The following GALC variants were observed in gnomAD, a reference collection of about 807,000 sequenced individuals.
GALC encodes the protein galactosylceramidase, also known as galactocerebrosidase.
GALC carries 77 observed loss-of-function variants against 91.8 expected under a neutral mutation model. The observed-to-expected ratio is 0.84, with a 90% CI of 0.70 to 1.01. GALC has a LOEUF of 1.01. Among genes scored for constraint, GALC ranks in the 50% least tolerant of loss-of-function variants. The pLI is 0.00. For synonymous variants in GALC, 357 were observed against 306.7 expected, an observed-to-expected ratio of 1.16 and a Z score of -1.71; for missense variants, 882 against 855.9, an observed-to-expected ratio of 1.03 and a Z score of -0.38.
intron 6 of GALC, 166 bp from the exon 7 acceptor site, chr14:87,976,654 GC>G: frequency 1.7e-6 from 1 of 601,056 alleles, no homozygotes; most frequent in South Asian, 1.8e-5. Context: ...TTCTCTCGTC[GC>G]CCAGGCTGGA....
rs77777141 is a variant in GALC at position 87,963,930 on chromosome 14, A to T, written c.1034-419T>A. ...ATTTATTTCCACCACATGTACATTT[A>T]TTGGTCACCTCCTAAGCTCGTCCTG... On this transcript the variant is annotated intron_variant, in intron 9 of 16. Transcript: ENST00000261304. Among the ~76,000 whole-genome samples, 1,226 of 152,240 alleles carry T rather than the reference A, an allele frequency of 8.1e-3. 41 individuals carry two copies. The highest frequency in any genetic ancestry group is 0.053 in the Admixed American group (807 of 15,266).
chr14:87,953,489 C>G (rs1885394560), intron 10 of GALC: 1 of 1,596,444 alleles, frequency 6.3e-7, no homozygotes, highest in Non-Finnish European at 8.6e-7. Flanking sequence ...GACAAAGGTC[C>G]TGAAGAAAAT....
intron 7 of GALC, among the ~76,000 whole-genome samples, chr14:87,972,631 G>A (rs1208741200): frequency 1.3e-5 from 2 of 151,878 alleles, no homozygotes; most frequent in Non-Finnish European, 2.9e-5. Context: ...AATTATAGAA[G>A]AATTATTTTC....
chr14:87,967,061 C>T (rs1266161834), intron 8 of GALC, among the ~76,000 whole-genome samples: 4 of 152,028 alleles, frequency 2.6e-5, no homozygotes, highest in South Asian at 2.1e-4. Context: ...ACGAGTGTCT[C>T]GGGTGCTTCT....
chr14:87,961,705 GAC>G (rs1885813445), intron 10 of GALC, among the ~76,000 whole-genome samples: 1 of 152,128 alleles, frequency 6.6e-6, no homozygotes, highest in Admixed American at 6.6e-5. Context: ...TATCTCTGAA[GAC>G]AGTTTCTGGT....
Position 87,984,441 on chromosome 14 carries a change from T to C in GALC, c.535A>G (p.Ile179Val). ...QLTAYYVVTW[I>V]VGAKRYHDLD... ...TCATGGTAACGCTTGGCGCCCACAA[T>C]CCAGGTCACGACATAATAGGCAGTC... The change falls in exon 5 of 17, where the codon ATT becomes GTT. Residue 179 changes from isoleucine to valine, a missense_variant. Coordinates refer to ENST00000261304, the MANE Select transcript of GALC (RefSeq NM_000153.4). 1 of 1,614,070 alleles carries C rather than the reference T, an allele frequency of 6.2e-7. No individual in the cohort carries two copies. Among genetic ancestry groups the C allele is most frequent in the Non-Finnish European group, 8.5e-7 (1 of 1,179,984 alleles).
intron 7 of GALC, among the ~76,000 whole-genome samples, chr14:87,972,797 G>A (rs1000118702): frequency 3.3e-5 from 5 of 151,702 alleles, no homozygotes; most frequent in African/African-American, 9.7e-5. Context: ...ACAAAATAAA[G>A]GCATATGCAA....
chr14:87,946,580 C>G (rs1885081116), intron 13 of GALC, among the ~76,000 whole-genome samples: 2 of 146,220 alleles, frequency 1.4e-5, no homozygotes, highest in South Asian at 4.5e-4. Flanking sequence ...GAAATTGCCT[C>G]TTAGTCTTCA....
intron 12 of GALC, among the ~76,000 whole-genome samples, chr14:87,949,558 G>C (rs932038112): frequency 6.6e-6 from 1 of 151,862 alleles, no homozygotes; most frequent in Non-Finnish European, 1.5e-5. Context: ...AGAATAAGGA[G>C]TGAGTAAGAG....
chr14:87,945,224 T>C (rs1372762404), intron 14 of GALC, among the ~76,000 whole-genome samples: 3 of 151,920 alleles, frequency 2.0e-5, no homozygotes, highest in Non-Finnish European at 4.4e-5. Context: ...AAACAAAAAC[T>C]TAAAAATACC....
At chr14:87,984,682 A>C in intron 4 of GALC, 149 bp from the exon 5 acceptor site, 1 of 715,648 alleles carries the variant, frequency 1.4e-6, no homozygotes, top group Non-Finnish European at 2.4e-6. Flanking sequence ...ACCATATAAA[A>C]ATTATTGAAA....
At chr14:87,942,827 T>C (rs1224265309) in intron 14 of GALC, among the ~76,000 whole-genome samples, 2 of 152,010 alleles carry the variant, frequency 1.3e-5, no homozygotes, top group Non-Finnish European at 2.9e-5. Flanking sequence ...TACAGGAAGA[T>C]AAATGCTAAG....
At chr14:87,964,705 A>G (rs1215806441) in intron 9 of GALC, among the ~76,000 whole-genome samples, 1 of 152,130 alleles carries the variant, frequency 6.6e-6, no homozygotes, top group East Asian at 1.9e-4. Context: ...AGCTATGTAA[A>G]TTATGTCTTG....
intron 3 of GALC, chr14:87,987,684 TCAAAATAGTGA>T (rs1464615706): frequency 1.8e-5 from 3 of 162,230 alleles, no homozygotes; most frequent in African/African-American, 7.2e-5. Context: ...ATAAAGCCAA[TCAAAATAGTGA>T]CAATGAAGAC....
intron 7 of GALC, among the ~76,000 whole-genome samples, chr14:87,973,400 A>T (rs2140010643): frequency 6.6e-6 from 1 of 152,178 alleles, no homozygotes; most frequent in South Asian, 2.1e-4. Flanking sequence ...ACTATTACAC[A>T]CTTGGCTAAA....
intron 1 of GALC, among the ~76,000 whole-genome samples, chr14:87,991,784 T>C (rs955622499): frequency 6.6e-6 from 1 of 152,204 alleles, no homozygotes. Flanking sequence ...CTCATCTTAG[T>C]AATTTTAAAC....
chr14:87,975,387 G>GA (rs1886453007), intron 7 of GALC, among the ~76,000 whole-genome samples: 1 of 151,884 alleles, frequency 6.6e-6, no homozygotes, highest in Non-Finnish European at 1.5e-5. Flanking sequence ...AAAACTATAA[G>GA]ATAATAATGG....
chr14:87,955,338 C>T, intron 10 of GALC: 1 of 587,634 alleles, frequency 1.7e-6, no homozygotes, highest in Non-Finnish European at 3.0e-6. Flanking sequence ...TCAATTAAAA[C>T]TTTTTTCTAA....
In GALC at chr14:87,993,103, G is replaced by A. The variant is rs1887295929; in HGVS notation, c.62C>T (p.Ala21Val). 1.9e-6 allele frequency: 3 copies of A among 1,587,848 alleles called. No homozygotes were observed. The highest frequency in any genetic ancestry group is 2.3e-5 in the South Asian group (2 of 87,812). Residue 21 changes from alanine (A) to valine (V), a missense_variant, in exon 1 of 17, where the codon GCG (alanine) becomes GTG (valine). Ala to Val is a moderately conservative substitution (Grantham distance 64). Transcript: ENST00000261304. ...QRRAKAMTAA[A>V]GSAGRAAVPL... ...CACCGCGGCGCGGCCCGCCGAACCC[G>A]CGGCCGCAGTCATAGCTTTCGCTCG...
Sources: allele counts gnomAD v4.1 joint callset (sites outside exome capture counted in the v4.1 genomes callset), GRCh38; gene constraint gnomAD v4.1.1; transcripts MANE v1.5; gene names NCBI Gene and HGNC (gene_info 2026-07-23, HGNC 2026-07-21).